Variants in TAOK1 observed in about 807,000 individuals in gnomAD.
TAOK1 encodes the protein serine/threonine-protein kinase TAO1.
In TAOK1, 21 loss-of-function variants were observed where a neutral mutation model predicts 138.3. That is an observed-to-expected ratio of 0.15 (90% CI 0.11 to 0.22). TAOK1 has a LOEUF of 0.22. TAOK1 is among the 10% of genes least tolerant of loss of function. The probability of loss-of-function intolerance (pLI) is 1.00; values close to 1 mark genes in which losing one functional copy is unlikely to be tolerated. For missense variants in TAOK1, 651 were observed against 1,227.7 expected (o/e 0.53, Z 7.02); for synonymous variants, 361 against 398.4 (o/e 0.91, Z 1.12).
chr17:29,522,589 C>T, intron 17 of TAOK1, 70 bp downstream of exon 17: 7 of 1,574,474 alleles, frequency 4.4e-6, no homozygotes, highest in Non-Finnish European at 6.0e-6. Context: ...CAGGAAAAGT[C>T]TTAAGATGAT....
chr17:29,528,211 G>A lies in TAOK1; in HGVS notation c.2149-2196G>A, dbSNP rs1384693821. Among the ~76,000 whole-genome samples the A allele has an allele frequency of 3.3e-5, 5 of 152,072 alleles. 1 individual carries two copies. Among genetic ancestry groups the A allele is most frequent in the Middle Eastern group, 6.8e-3 (2 of 294 alleles). ...ATTACAGGCACATGCCACCACACCG[G>A]GCTAATTTTTGTATTTTTAGTAGAG... On this transcript the variant is annotated intron_variant, in intron 17 of 19. Transcript: ENST00000261716.
Position 29,533,008 on chromosome 17 carries a change from G to GGTTGGCCT in TAOK1, c.2362-1109_2362-1108insTTGGCCTG, listed in dbSNP as rs2032151731. On this transcript the variant is annotated intron_variant, in intron 18 of 19. Transcript: ENST00000261716. The stretch of plus-strand genomic sequence containing the variant: ...GGGGCTGACCCCCCCACCTCCAACC[G>GGTTGGCCT]GGCGGGGGGCTGACCCCCACCTCCC... Among the ~76,000 whole-genome samples, 9 of 1,386 alleles carry GGTTGGCCT rather than the reference G, an allele frequency of 6.5e-3. 1 individual carries two copies. Among genetic ancestry groups the GGTTGGCCT allele is most frequent in the Non-Finnish European group, 0.016 (9 of 566 alleles). 0.9% of individuals were successfully genotyped at this position (1,386 alleles called of 152,430 possible).
chr17:29,422,243 G>A (rs931685503), intron 1 of TAOK1, among the ~76,000 whole-genome samples: 4 of 137,940 alleles, frequency 2.9e-5, no homozygotes, highest in Admixed American at 1.5e-4. Context: ...TCGCTCTGTC[G>A]CCCAGGCTGG....
chr17:29,531,486 G>A (rs531135442), intron 18 of TAOK1, among the ~76,000 whole-genome samples: 44 of 190 alleles, frequency 0.23, no homozygotes, highest in African/African-American at 0.36. Context: ...ATAAGGCTGC[G>A]CGCCAGTGGC....
chr17:29,511,061 A>C, intron 15 of TAOK1, 69 bp downstream of exon 15: 7 of 1,407,110 alleles, frequency 5.0e-6, no homozygotes, highest in Non-Finnish European at 6.7e-6. Context: ...TGACCAACTC[A>C]TAGAAGCATT....
At chr17:29,405,250 AGTGCTGGGATTACAGGC>A (rs1386245861) in intron 1 of TAOK1, among the ~76,000 whole-genome samples, 1 of 152,164 alleles carries the variant, frequency 6.6e-6, no homozygotes, top group Non-Finnish European at 1.5e-5. Context: ...GGCCTCCCAG[AGTGCTGGGATTACAGGC>A]GTGAGCCACC....
rs113456798 is a variant in TAOK1, at chr17:29,477,581, G to A, written c.307-80G>A. The stretch of plus-strand genomic sequence containing the variant: ...CTTCAAACTATGTTCTTGATCTACT[G>A]TGTGAACTTATTTTATCTTAAATTT... On this transcript the variant is annotated intron_variant, in intron 4 of 19. Coordinates refer to ENST00000261716, the MANE Select transcript of TAOK1 (RefSeq NM_020791.4). The A allele has an allele frequency of 6.7e-5, 53 of 792,578 alleles. No homozygotes were observed. In the African/African-American group the frequency reaches 8.8e-4, roughly 13 times the overall value. 49.1% of individuals were successfully genotyped at this position (792,578 alleles called of 1,614,324 possible). A position where few individuals can be genotyped will look rare whatever the true frequency, so the allele number is the denominator to read the frequency against.
intron 1 of TAOK1, chr17:29,403,609 A>T (rs1181536496): frequency 1.3e-5 from 2 of 152,144 alleles, no homozygotes; most frequent in Non-Finnish European, 2.9e-5. Context: ...TCATTACTTG[A>T]TAGGAGTATG....
At chr17:29,483,889 A>C (rs2031114972) in intron 8 of TAOK1, among the ~76,000 whole-genome samples, 1 of 152,230 alleles carries the variant, frequency 6.6e-6, no homozygotes, top group Non-Finnish European at 1.5e-5. Flanking sequence ...TTTCTTAAGA[A>C]GCCTGGGTAT....
At chr17:29,409,734 A>C (rs1169076445) in intron 1 of TAOK1, among the ~76,000 whole-genome samples, 1 of 152,132 alleles carries the variant, frequency 6.6e-6, no homozygotes, top group Non-Finnish European at 1.5e-5. Context: ...CTATATTCAC[A>C]CAATAGGTTA....
chr17:29,394,149 A>ATTT (rs1904513374), intron 1 of TAOK1, among the ~76,000 whole-genome samples: 7 of 56,438 alleles, frequency 1.2e-4, no homozygotes, highest in African/African-American at 2.1e-4. Context: ...ATAATTTGCC[A>ATTT]GTTTTTTTTT....
chr17:29,445,412 T>C (rs1416969735), intron 1 of TAOK1: 1 of 152,356 alleles, frequency 6.6e-6, no homozygotes, highest in African/African-American at 2.4e-5. Flanking sequence ...CTTTGTGTTA[T>C]TTCTAATCTT....
At chr17:29,434,046 T>A (rs1404391250) in intron 1 of TAOK1, among the ~76,000 whole-genome samples, 1 of 152,034 alleles carries the variant, frequency 6.6e-6, no homozygotes, top group Non-Finnish European at 1.5e-5. Flanking sequence ...TTAGAAAACA[T>A]GCATCAAAAC....
chr17:29,515,432 G>A (rs1452224732), intron 15 of TAOK1, among the ~76,000 whole-genome samples: 3 of 152,166 alleles, frequency 2.0e-5, no homozygotes, highest in Admixed American at 6.6e-5. Context: ...CAATCATTGT[G>A]TACTTCGAAG....
At chr17:29,510,733 A>C in intron 14 of TAOK1, 131 bp from the exon 15 acceptor site, 1 of 622,268 alleles carries the variant, frequency 1.6e-6, no homozygotes, top group Non-Finnish European at 2.5e-6. Context: ...AATTTGGTTC[A>C]GTCTTTTATT....
intron 18 of TAOK1, among the ~76,000 whole-genome samples, chr17:29,533,832 G>A (rs867046528): frequency 2.0e-3 from 84 of 42,412 alleles, no homozygotes; most frequent in Admixed American, 3.2e-3. Flanking sequence ...GAGACCGTGG[G>A]GAGAGGGAGG....
In TAOK1 at chr17:29,498,521, A is replaced by G. The variant is rs749431240; in HGVS notation, c.1203A>G (p.Pro401=). Residue 401 remains proline, a splice_region_variant and synonymous_variant, in exon 12 of 20, where the codon CCA becomes CCG. Coordinates refer to ENST00000261716, the MANE Select transcript of TAOK1 (RefSeq NM_020791.4). ...MSNSSVIHLK[P]EEENYREEGD... is the part of the protein sequence containing the mutation. ...ACAGTTCTGTTATCCATTTAAAACC[A>G]GTGAGTATTTGGATTTCAATGAAAG... 1 of 1,613,988 alleles carries G rather than the reference A, an allele frequency of 6.2e-7. No homozygotes were observed. Among genetic ancestry groups the G allele is most frequent in the Non-Finnish European group, 8.5e-7 (1 of 1,179,852 alleles).
intron 1 of TAOK1, among the ~76,000 whole-genome samples, chr17:29,431,184 TC>T (rs1000489681): frequency 1.1e-4 from 16 of 152,086 alleles, no homozygotes; most frequent in Non-Finnish European, 2.1e-4. Context: ...TTAAAAAAAC[TC>T]CCCCTTTTTG....
At chr17:29,409,823 G>A (rs1318105787) in intron 1 of TAOK1, among the ~76,000 whole-genome samples, 1 of 152,166 alleles carries the variant, frequency 6.6e-6, no homozygotes, top group Non-Finnish European at 1.5e-5. Context: ...ATTCTTGTGA[G>A]AGGGTGTATG....
Sources: gnomAD v4.1 joint callset for allele counts (sites outside exome capture counted in the v4.1 genomes callset) on GRCh38, gnomAD v4.1.1 for gene constraint, MANE v1.5 for transcripts, NCBI Gene and HGNC (gene_info 2026-07-23, HGNC 2026-07-21) for gene names.